TSHR: variants seen among roughly 807,000 people sequenced by gnomAD.
TSHR encodes the protein thyroid stimulating hormone receptor, also known as thyrotropin receptor.
TSHR carries 51 observed loss-of-function variants against 64.1 expected under a neutral mutation model. The observed-to-expected ratio is 0.80, with a 90% CI of 0.64 to 1.01. The LOEUF is 1.01. Among genes scored for constraint, TSHR ranks in the 50% least tolerant of loss-of-function variants. The pLI is 0.00. For synonymous variants in TSHR, 361 were observed against 361.9 expected (o/e 1.00, Z 0.03); for missense variants, 877 against 942.8 (o/e 0.93, Z 0.91).
At chr14:81,076,292 C>T (rs1887498078) in intron 3 of TSHR, among the ~76,000 whole-genome samples, 1 of 152,156 alleles carries the variant, frequency 6.6e-6, no homozygotes, top group South Asian at 2.1e-4. Flanking sequence ...CTGGCTGCTT[C>T]CCCTTCCCCA....
At chr14:81,092,100 A>T (rs1462485176) in intron 5 of TSHR, among the ~76,000 whole-genome samples, 2 of 152,254 alleles carry the variant, frequency 1.3e-5, no homozygotes, top group Non-Finnish European at 2.9e-5. Context: ...AGCCTGGCGA[A>T]GTTTGGCAAG....
rs1000906842 is a variant in TSHR, at chr14:80,983,103, C to T, written c.170+27253C>T. The stretch of plus-strand genomic sequence containing the variant: ...TATAATGATGCTTATTGAAAGCTTG[C>T]TCAGTTTTCCTTCCCCAGAAATGAG... On this transcript the variant is annotated intron_variant, in intron 1 of 9. Transcript: ENST00000298171. 15 of 668,264 alleles carry T rather than the reference C, an allele frequency of 2.2e-5. No individual in the cohort carries two copies. In the Admixed American group the frequency reaches 3.1e-4, roughly 14 times the overall value. 41.4% of individuals were successfully genotyped at this position (668,264 alleles called of 1,614,324 possible). A position where few individuals can be genotyped will look rare whatever the true frequency, so the allele number is the denominator to read the frequency against.
At chr14:80,999,401 C>A (rs1158773025) in intron 1 of TSHR, among the ~76,000 whole-genome samples, 1 of 152,148 alleles carries the variant, frequency 6.6e-6, no homozygotes, top group Non-Finnish European at 1.5e-5. Context: ...CAGGTTTTTC[C>A]TCCATTCTGT....
Position 81,144,426 on chromosome 14 carries a change from C to A in TSHR, c.*73C>A. On this transcript the variant is annotated 3_prime_UTR_variant, in exon 10 of 10. Coordinates refer to ENST00000298171, the MANE Select transcript of TSHR (RefSeq NM_000369.5). The stretch of plus-strand genomic sequence containing the variant: ...GTTTCTTGAATATGCATTCCAATCC[C>A]ATGACACCCCCAACACATAGCTGCC... 2 of 1,463,518 alleles carry A rather than the reference C, an allele frequency of 1.4e-6. No homozygotes were observed. The highest frequency in any genetic ancestry group is 2.3e-5 in the East Asian group (1 of 43,382). The allele number at this position is 1,463,518 out of a possible 1,614,324, so 90.7% of individuals were successfully genotyped here.
chr14:80,959,251 C>CTAGAATCT (rs780491868), intron 1 of TSHR, among the ~76,000 whole-genome samples: 39 of 152,174 alleles, frequency 2.6e-4, no homozygotes, highest in Middle Eastern at 6.8e-3. Context: ...GTGGAACATT[C>CTAGAATCT]TAGAATCTTT....
intron 8 of TSHR, among the ~76,000 whole-genome samples, chr14:81,113,743 C>A (rs1890338934): frequency 6.6e-6 from 1 of 152,026 alleles, no homozygotes; most frequent in Non-Finnish European, 1.5e-5. Flanking sequence ...TGGGTGAAAT[C>A]AATAAAATGC....
At chr14:81,041,261 A>C (rs2139845272) in intron 1 of TSHR, among the ~76,000 whole-genome samples, 1 of 152,296 alleles carries the variant, frequency 6.6e-6, no homozygotes, top group Non-Finnish European at 1.5e-5. Flanking sequence ...AAAGACATGG[A>C]ATCAACCTAA....
intron 8 of TSHR, among the ~76,000 whole-genome samples, chr14:81,137,352 C>T (rs1009770635): frequency 1.3e-5 from 2 of 152,130 alleles, no homozygotes; most frequent in Non-Finnish European, 2.9e-5. Flanking sequence ...AAGAAGGCAC[C>T]GAATTCTTTG....
chr14:80,960,904 G>A lies in TSHR; in HGVS notation c.170+5054G>A, dbSNP rs573779378. Among the ~76,000 whole-genome samples, 9 of 152,328 alleles carry A rather than the reference G, an allele frequency of 5.9e-5. No homozygotes were observed. In the South Asian group the frequency reaches 1.2e-3, roughly 21 times the overall value. ...GAAACCACAGCCACTGGACATCTGCGGTCTTGTAGCTGCCAGACTGTCTAT... is the reference window on the plus strand; with the variant it reads ...GAAACCACAGCCACTGGACATCTGCAGTCTTGTAGCTGCCAGACTGTCTAT... On this transcript the variant is annotated intron_variant, in intron 1 of 9. Coordinates refer to ENST00000298171, the MANE Select transcript of TSHR (RefSeq NM_000369.5).
In TSHR at chr14:81,064,146, T is replaced by G. The variant is rs181385911; in HGVS notation, c.242+1927T>G. On this transcript the variant is annotated intron_variant, in intron 2 of 9. Coordinates refer to ENST00000298171, the MANE Select transcript of TSHR (RefSeq NM_000369.5). ...TTTGAGAAACATTCCCTTGGCTATGTAGTGGAGTGAGGGGTGGAAGTGGAG... is the reference window on the plus strand; with the variant it reads ...TTTGAGAAACATTCCCTTGGCTATGGAGTGGAGTGAGGGGTGGAAGTGGAG... 3.9e-5 allele frequency among the ~76,000 whole-genome samples: 6 copies of G among 152,100 alleles called. No homozygotes were observed. In the East Asian group the frequency reaches 9.7e-4, roughly 24 times the overall value.
intron 3 of TSHR, among the ~76,000 whole-genome samples, chr14:81,070,356 C>T (rs550469133): frequency 2.3e-3 from 357 of 152,114 alleles, no homozygotes; most frequent in Non-Finnish European, 4.0e-3. Flanking sequence ...AGGCTGGGCG[C>T]GCTGGCTCAT....
intron 1 of TSHR, among the ~76,000 whole-genome samples, chr14:81,059,747 C>T (rs935076706): frequency 1.7e-4 from 26 of 152,090 alleles, no homozygotes; most frequent in Non-Finnish European, 2.9e-4. Flanking sequence ...GGTGAGCTTT[C>T]TTTGGTAAAA....
At chr14:81,033,335 T>G (rs771190861) in intron 1 of TSHR, 31 of 321,936 alleles carry the variant, frequency 9.6e-5, no homozygotes, top group Non-Finnish European at 1.9e-4. Context: ...GTGAAGACAG[T>G]GAAGACAGCT....
chr14:80,957,054 T>C (rs976034410), intron 1 of TSHR, among the ~76,000 whole-genome samples: 1 of 152,132 alleles, frequency 6.6e-6, no homozygotes, highest in Non-Finnish European at 1.5e-5. Flanking sequence ...ACCTCATTGC[T>C]CCTCATTTCT....
At chr14:81,020,095 C>T (rs775398703) in intron 1 of TSHR, among the ~76,000 whole-genome samples, 2 of 150,668 alleles carry the variant, frequency 1.3e-5, no homozygotes, top group Admixed American at 6.5e-5. Flanking sequence ...AACAAAACAA[C>T]ATATATTTAT....
intron 3 of TSHR, among the ~76,000 whole-genome samples, chr14:81,083,509 G>C (rs1888057726): frequency 6.7e-6 from 1 of 150,192 alleles, no homozygotes; most frequent in Non-Finnish European, 1.5e-5. Flanking sequence ...ATAAGTCCTA[G>C]ATAAAGGCCC....
intron 1 of TSHR, chr14:81,032,528 C>A: frequency 5.1e-6 from 2 of 392,688 alleles, no homozygotes; most frequent in South Asian, 2.4e-5. Context: ...AAGTTCTTAC[C>A]ATGGAAAATT....
intron 6 of TSHR, among the ~76,000 whole-genome samples, chr14:81,095,906 G>A (rs2139996515): frequency 6.6e-6 from 1 of 152,166 alleles, no homozygotes; most frequent in East Asian, 1.9e-4. Flanking sequence ...CAGGCATGGT[G>A]GCACATGCCT....
At chr14:81,015,735 G>C (rs1890146859) in intron 1 of TSHR, among the ~76,000 whole-genome samples, 1 of 151,960 alleles carries the variant, frequency 6.6e-6, no homozygotes, top group Non-Finnish European at 1.5e-5. Flanking sequence ...TATTCCTCCT[G>C]TCTAACCGAA....
Sources: gnomAD v4.1 joint callset for allele counts (sites outside exome capture counted in the v4.1 genomes callset) on GRCh38, gnomAD v4.1.1 for gene constraint, MANE v1.5 for transcripts, NCBI Gene and HGNC (gene_info 2026-07-23, HGNC 2026-07-21) for gene names.